The following SNRPA variants were observed in gnomAD, a reference collection of about 807,000 sequenced individuals.
SNRPA encodes U1 small nuclear ribonucleoprotein A.
Under a neutral mutation model 24.5 loss-of-function variants are expected in SNRPA, and 10 were observed. The ratio of observed to expected loss-of-function variants is 0.41; its 90% CI spans 0.25 to 0.69. The LOEUF is 0.69. SNRPA is among the 30% of genes least tolerant of loss of function. The probability of loss-of-function intolerance (pLI) is 0.33; values close to 1 mark genes in which losing one functional copy is unlikely to be tolerated. For missense variants in SNRPA, 283 were observed against 394.7 expected (o/e 0.72, Z 2.40); for synonymous variants, 165 against 148.4 (o/e 1.11, Z -0.81).
At chr19:40,755,807 T>C (rs1284626555) in intron 1 of SNRPA, among the ~76,000 whole-genome samples, 1 of 152,304 alleles carries the variant, frequency 6.6e-6, no homozygotes, top group East Asian at 1.9e-4. Context: ...GATGTGGTGG[T>C]ACCGGGTTCA....
chr19:40,756,296 A>G (rs1012363270), intron 1 of SNRPA, among the ~76,000 whole-genome samples: 1 of 151,328 alleles, frequency 6.6e-6, no homozygotes, highest in African/African-American at 2.4e-5. Context: ...ACTTGATGGT[A>G]TCTAGTCAAA....
chr19:40,760,165 A>C (rs1194287730), intron 3 of SNRPA, among the ~76,000 whole-genome samples: 2 of 152,184 alleles, frequency 1.3e-5, no homozygotes, highest in Middle Eastern at 3.4e-3. Context: ...TGGAACTGTC[A>C]GTCCGTGCCA....
chr19:40,762,789 C>T (rs1481278183), intron 3 of SNRPA, 112 bp from the exon 4 acceptor site: 8 of 1,161,664 alleles, frequency 6.9e-6, no homozygotes, highest in Non-Finnish European at 9.7e-6. Context: ...CCTTTTGCGC[C>T]TCTTTCTGGG....
chr19:40,757,041 A>T (rs2145010009), intron 1 of SNRPA: 1 of 354,050 alleles, frequency 2.8e-6, no homozygotes, highest in East Asian at 7.8e-5. Context: ...CAGTGAAAAG[A>T]ATCACTCATT....
At chr19:40,756,060 C>T (rs2082907202) in intron 1 of SNRPA, among the ~76,000 whole-genome samples, 1 of 151,948 alleles carries the variant, frequency 6.6e-6, no homozygotes. Flanking sequence ...ATCACTGGAG[C>T]CCAGGAGTTC....
intron 1 of SNRPA, among the ~76,000 whole-genome samples, chr19:40,753,389 T>TTTTG (rs892014693): frequency 3.4e-5 from 3 of 89,030 alleles, no homozygotes; most frequent in African/African-American, 1.8e-4. Flanking sequence ...CATATGTTTT[T>TTTTG]TTTTTTTTTT....
chr19:40,756,767 A>G (rs532624486), intron 1 of SNRPA, among the ~76,000 whole-genome samples: 1 of 152,280 alleles, frequency 6.6e-6, no homozygotes, highest in South Asian at 2.1e-4. Flanking sequence ...ATGACATGGG[A>G]AGAAATTTAG....
At chr19:40,752,766 A>G (rs897907747) in intron 1 of SNRPA, among the ~76,000 whole-genome samples, 2 of 151,894 alleles carry the variant, frequency 1.3e-5, no homozygotes, top group Non-Finnish European at 2.9e-5. Flanking sequence ...GAAAAAAAAA[A>G]AGAACTCAAT....
At chr19:40,764,622 T>C (rs1044833386) in intron 5 of SNRPA, among the ~76,000 whole-genome samples, 15 of 152,020 alleles carry the variant, frequency 9.9e-5, no homozygotes, top group South Asian at 4.2e-4. Context: ...AGGTCAGGAG[T>C]TCGAGGCCAA....
chr19:40,762,309 C>T (rs2607413), intron 3 of SNRPA, among the ~76,000 whole-genome samples: 12,826 of 151,002 alleles, frequency 0.085, 753 homozygotes, highest in East Asian at 0.2. Flanking sequence ...CTTCTGTTGC[C>T]GGGTTCAAGT....
At chr19:40,762,806 T>C in intron 3 of SNRPA, 95 bp from the exon 4 acceptor site, 1 of 1,350,832 alleles carries the variant, frequency 7.4e-7, no homozygotes, top group South Asian at 1.3e-5. Context: ...TGGGTGTTTT[T>C]CCTTACATCT....
chr19:40,755,848 C>T (rs905222544), intron 1 of SNRPA, among the ~76,000 whole-genome samples: 6 of 152,160 alleles, frequency 3.9e-5, no homozygotes, highest in South Asian at 2.1e-4. Flanking sequence ...CTCTGCCATA[C>T]GCTTCCTTAT....
At chr19:40,756,808 C>CT (rs2082910450) in intron 1 of SNRPA, among the ~76,000 whole-genome samples, 1 of 152,120 alleles carries the variant, frequency 6.6e-6, no homozygotes, top group Admixed American at 6.5e-5. Flanking sequence ...AACATTTCCT[C>CT]TGAGACTGGG....
chr19:40,752,004 T>C (rs1010974029), intron 1 of SNRPA, among the ~76,000 whole-genome samples: 1 of 152,166 alleles, frequency 6.6e-6, no homozygotes. Context: ...ACAACAATCT[T>C]GTAGGAAGAA....
At chr19:40,752,094 T>G (rs2082875680) in intron 1 of SNRPA, among the ~76,000 whole-genome samples, 1 of 150,728 alleles carries the variant, frequency 6.6e-6, no homozygotes, top group African/African-American at 2.4e-5. Flanking sequence ...TCCCAGCACT[T>G]TGGGAGGCCG....
chr19:40,753,999 A>C (rs1188897855), intron 1 of SNRPA, among the ~76,000 whole-genome samples: 2 of 150,834 alleles, frequency 1.3e-5, no homozygotes, highest in East Asian at 2.0e-4. Flanking sequence ...GAAGGGGTTT[A>C]ACCATGTTAG....
At chr19:40,752,146 T>C (rs1055995109) in intron 1 of SNRPA, among the ~76,000 whole-genome samples, 1 of 151,730 alleles carries the variant, frequency 6.6e-6, no homozygotes, top group Non-Finnish European at 1.5e-5. Flanking sequence ...GAGACCAGCC[T>C]GACCGACATG....
In SNRPA at chr19:40,765,254, C is replaced by T; in HGVS notation, c.*87C>T. The T allele has an allele frequency of 1.1e-6, 1 of 885,204 alleles. No homozygotes were observed. Among genetic ancestry groups the T allele is most frequent in the African/African-American group, 1.8e-5 (1 of 56,532 alleles). The allele number at this position is 885,204 out of a possible 1,614,324, so 54.8% of individuals were successfully genotyped here. A position where few individuals can be genotyped will look rare whatever the true frequency, so the allele number is the denominator to read the frequency against. ...TCAGCCCCCTGAAGGTAAGTCCCCC[C>T]TTGGGGGCCTTCTTGGAGCCGTGTG... On this transcript the variant is annotated 3_prime_UTR_variant, in exon 6 of 6. Coordinates refer to ENST00000243563, the MANE Select transcript of SNRPA (RefSeq NM_004596.5).
At chr19:40,763,154 C>T in intron 4 of SNRPA, 80 bp downstream of exon 4, 1 of 1,189,300 alleles carries the variant, frequency 8.4e-7, no homozygotes, top group Non-Finnish European at 1.2e-6. Flanking sequence ...TGGGGGGCTG[C>T]TGTAGGTTGG....
Sources: allele counts gnomAD v4.1 joint callset (sites outside exome capture counted in the v4.1 genomes callset), GRCh38; gene constraint gnomAD v4.1.1; transcripts MANE v1.5; gene names NCBI Gene and HGNC (gene_info 2026-07-23, HGNC 2026-07-21).